Variants in FGF13 observed in about 807,000 individuals in gnomAD.
FGF13 encodes fibroblast growth factor 13, also known as fibroblast growth factor homologous factor 2.
In FGF13, 2 loss-of-function variants were observed where a neutral mutation model predicts 19.5. The ratio of observed to expected loss-of-function variants is 0.10; its 90% CI spans 0.04 to 0.32. The LOEUF (loss-of-function observed/expected upper bound fraction) is 0.32. Ranked by LOEUF, FGF13 falls within the 10% of genes least tolerant of loss-of-function variation. FGF13 has a pLI of 1.00. For missense variants in FGF13, 113 were observed against 192.7 expected, an observed-to-expected ratio of 0.59 and a Z score of 2.45; for synonymous variants, 72 against 76.9, an observed-to-expected ratio of 0.94 and a Z score of 0.33.
rs750055113 is a variant in FGF13 at position 138,625,164 on chromosome X, A to T, written c.*7686T>A. ...CACACATGTTATTAATAGGAATAAT[A>T]TTATCCAAAACTTAAAAGATAATGT... On this transcript the variant is annotated 3_prime_UTR_variant, in exon 5 of 5. Transcript: ENST00000315930. 1 of 110,440 alleles carries T rather than the reference A, an allele frequency of 9.1e-6. No homozygotes were observed. The highest frequency in any genetic ancestry group is 3.3e-5 in the African/African-American group (1 of 30,450). The allele number at this position is 110,440 out of a possible 1,213,427, so 9.1% of individuals were successfully genotyped here. A position where few individuals can be genotyped will look rare whatever the true frequency, so the allele number is the denominator to read the frequency against.
intron 1 of FGF13, among the ~76,000 whole-genome samples, chrX:138,890,595 A>C (rs1208175704): frequency 8.9e-6 from 1 of 112,089 alleles, no homozygotes; most frequent in Non-Finnish European, 1.9e-5. Flanking sequence ...TATTTTACTG[A>C]TAATTAAAGT....
At chrX:138,729,518 T>C (rs1222497820) in intron 1 of FGF13, among the ~76,000 whole-genome samples, 1 of 109,414 alleles carries the variant, frequency 9.1e-6, no homozygotes, top group Non-Finnish European at 1.9e-5. Flanking sequence ...GTGTGTGATA[T>C]CTGTGGGACA....
At chrX:138,892,002 A>ATATATGTGTGTGTGTG (rs756839627) in intron 1 of FGF13, among the ~76,000 whole-genome samples, 3 of 90,384 alleles carry the variant, frequency 3.3e-5, no homozygotes, top group African/African-American at 1.3e-4. Context: ...ATATATACAT[A>ATATATGTGTGTGTGTG]TGTGTGTGTG....
At chrX:139,081,113 T>A (rs377158837) in intron 1 of FGF13, among the ~76,000 whole-genome samples, 7 of 111,128 alleles carry the variant, frequency 6.3e-5, no homozygotes, top group African/African-American at 2.3e-4. Context: ...TCCCATTCTC[T>A]TTTGAAATGC....
At chrX:138,800,910 TGCTCTGTTTTTCA>T (rs1347687372) in intron 3 of FGF13, among the ~76,000 whole-genome samples, 4 of 112,308 alleles carry the variant, frequency 3.6e-5, no homozygotes, top group African/African-American at 1.3e-4. Flanking sequence ...ACAAAGTTCT[TGCTCTGTTTTTCA>T]GCTCCATCAG....
intron 3 of FGF13, among the ~76,000 whole-genome samples, chrX:138,850,560 C>T (rs1227882872): frequency 8.9e-6 from 1 of 111,973 alleles, no homozygotes; most frequent in Non-Finnish European, 1.9e-5. Flanking sequence ...AATTAAGCTG[C>T]CATTTGCTTC....
chrX:138,684,448 C>T (rs1385413080), intron 3 of FGF13, among the ~76,000 whole-genome samples: 6 of 110,961 alleles, frequency 5.4e-5, no homozygotes, highest in Non-Finnish European at 1.1e-4. Context: ...TCTTTGGCTT[C>T]GTACATAGTA....
intron 1 of FGF13, among the ~76,000 whole-genome samples, chrX:139,025,827 A>C (rs1367741354): frequency 9.1e-6 from 1 of 110,157 alleles, no homozygotes; most frequent in African/African-American, 3.3e-5. Context: ...TTTCAATTTC[A>C]TGGAAGGGGC....
chrX:138,673,890 C>T (rs2089639011), intron 3 of FGF13, among the ~76,000 whole-genome samples: 2 of 111,157 alleles, frequency 1.8e-5, no homozygotes, highest in Non-Finnish European at 1.9e-5. Flanking sequence ...ATATGGGTCA[C>T]AGCTAGAAGT....
chrX:139,116,711 T>C (rs2083642140), intron 1 of FGF13, among the ~76,000 whole-genome samples: 1 of 110,883 alleles, frequency 9.0e-6, no homozygotes, highest in Admixed American at 9.7e-5. Flanking sequence ...CATTTAGCAC[T>C]GTGTCATGTT....
At chrX:138,854,948 A>G (rs895889473), downstream of FGF13, among the ~76,000 whole-genome samples, 1 of 111,563 alleles carries the variant, frequency 9.0e-6, no homozygotes, top group Non-Finnish European at 1.9e-5. Flanking sequence ...GTTTCACGTA[A>G]CAATAAAATG....
chrX:139,106,727 T>C (rs1043077106), intron 1 of FGF13, among the ~76,000 whole-genome samples: 13 of 112,823 alleles, frequency 1.2e-4, no homozygotes, highest in Non-Finnish European at 2.1e-4. Flanking sequence ...ATGAAAATAC[T>C]ACATAAAGTT....
downstream of FGF13, chrX:138,857,383 G>A (rs888013559): frequency 5.1e-6 from 3 of 593,319 alleles, no homozygotes; most frequent in South Asian, 8.1e-5. Context: ...AGCCAGCCAG[G>A]GGGCCTCCTA....
intron 1 of FGF13, among the ~76,000 whole-genome samples, chrX:139,123,120 C>T (rs2083690056): frequency 9.0e-6 from 1 of 111,014 alleles, no homozygotes. Context: ...CCACCTCCAC[C>T]CAAGTCCAAG....
At chrX:139,153,254 C>T (rs1488339927) in intron 1 of FGF13, among the ~76,000 whole-genome samples, 1 of 110,656 alleles carries the variant, frequency 9.0e-6, no homozygotes, top group Non-Finnish European at 1.9e-5. Flanking sequence ...TTCCGCTTTC[C>T]CAGCTATTTC....
chrX:138,689,813 T>C (rs1197711541), intron 3 of FGF13, among the ~76,000 whole-genome samples: 2 of 112,328 alleles, frequency 1.8e-5, no homozygotes, highest in Non-Finnish European at 3.8e-5. Context: ...TTTAATTATT[T>C]GTTTGAACAG....
rs758369438 is a variant in FGF13, at chrX:139,004,167, C to T, written c.-112-139517G>A. Among the ~76,000 whole-genome samples, 6 of 112,936 alleles carry T rather than the reference C, an allele frequency of 5.3e-5. No individual in the cohort carries two copies. The South Asian group carries it at 2.2e-3, about 41-fold the overall frequency. Reference sequence around the variant, plus strand: ...GGCGGGCTGCAGGTCCCGAGCCCTGCCCCGCAGGAAGGCAGCTAAGGCTCG... The same window carrying T: ...GGCGGGCTGCAGGTCCCGAGCCCTGTCCCGCAGGAAGGCAGCTAAGGCTCG... On this transcript the variant is annotated intron_variant, in intron 1 of 2. Transcript: ENST00000421460.
chrX:138,787,451 A>G (rs1160479114), intron 3 of FGF13, among the ~76,000 whole-genome samples: 1 of 112,500 alleles, frequency 8.9e-6, no homozygotes, highest in East Asian at 2.8e-4. Flanking sequence ...TGGTGAGAGT[A>G]GTCTTCTGCA....
intron 3 of FGF13, among the ~76,000 whole-genome samples, chrX:138,678,022 C>T (rs1385291247): frequency 8.9e-6 from 1 of 112,092 alleles, no homozygotes; most frequent in Non-Finnish European, 1.9e-5. Context: ...AGTTCATGTC[C>T]TTTGTAGGGA....
Sources: allele counts gnomAD v4.1 joint callset (sites outside exome capture counted in the v4.1 genomes callset), GRCh38; gene constraint gnomAD v4.1.1; transcripts MANE v1.5; gene names NCBI Gene and HGNC (gene_info 2026-07-23, HGNC 2026-07-21).